Variants in PHLPP1 observed in about 807,000 individuals in gnomAD.
The protein encoded by PHLPP1 is PH domain leucine-rich repeat-containing protein phosphatase 1.
A neutral mutation model predicts 117.2 loss-of-function variants in PHLPP1; 42 were observed. The observed-to-expected ratio is 0.36, with a 90% CI of 0.28 to 0.46. The LOEUF (loss-of-function observed/expected upper bound fraction) is 0.46. Among genes scored for constraint, PHLPP1 ranks in the 20% least tolerant of loss-of-function variants. The pLI is 1.00. For synonymous variants in PHLPP1, 1,042 were observed against 970.7 expected, an observed-to-expected ratio of 1.07 and a Z score of -1.37; for missense variants, 2,084 against 2,241.9, an observed-to-expected ratio of 0.93 and a Z score of 1.42.
At chr18:62,769,253 CT>C (rs1292962835) in intron 1 of PHLPP1, among the ~76,000 whole-genome samples, 1 of 152,014 alleles carries the variant, frequency 6.6e-6, no homozygotes, top group Non-Finnish European at 1.5e-5. Context: ...TTGACTAAGC[CT>C]TTTAGTATTG....
Position 62,767,647 on chromosome 18 carries a change from G to A in PHLPP1, c.1576+50388G>A, listed in dbSNP as rs116079043. 6.1e-3 allele frequency among the ~76,000 whole-genome samples: 923 copies of A among 152,304 alleles called. 4 individuals are homozygous for A. Among genetic ancestry groups the A allele is most frequent in the African/African-American group, 0.02 (851 of 41,562 alleles). On this transcript the variant is annotated intron_variant, in intron 1 of 16. Coordinates refer to ENST00000262719, the MANE Select transcript of PHLPP1 (RefSeq NM_194449.4). ...TACTGTTGCCACAGAGTTTTAGAAT[G>A]CAAGAATTGATCTGTCTCTGAAAAT...
intron 2 of PHLPP1, among the ~76,000 whole-genome samples, chr18:62,834,714 T>G (rs181996984): frequency 3.9e-5 from 6 of 152,360 alleles, no homozygotes; most frequent in Admixed American, 3.9e-4. Context: ...TTCAGTTTTA[T>G]AACTGTACAC....
chr18:62,890,234 C>T (rs1197694275), intron 4 of PHLPP1, among the ~76,000 whole-genome samples: 1 of 151,464 alleles, frequency 6.6e-6, no homozygotes, highest in Non-Finnish European at 1.5e-5. Context: ...GGTTTTTTTT[C>T]TCTCTTCCAT....
intron 4 of PHLPP1, among the ~76,000 whole-genome samples, chr18:62,864,071 G>C (rs1915705556): frequency 1.3e-5 from 2 of 151,148 alleles, no homozygotes; most frequent in Admixed American, 1.3e-4. Flanking sequence ...GCCCAGACTG[G>C]AGTGCAGTGG....
intron 11 of PHLPP1, among the ~76,000 whole-genome samples, chr18:62,942,491 C>G (rs1426607955): frequency 6.6e-6 from 1 of 152,202 alleles, no homozygotes; most frequent in East Asian, 1.9e-4. Context: ...ATGTACAGAG[C>G]AGTGGTAGAC....
At chr18:62,894,875 T>C (rs1916512529) in intron 4 of PHLPP1, 136 bp from the exon 5 acceptor site, 1 of 632,130 alleles carries the variant, frequency 1.6e-6, no homozygotes, top group Non-Finnish European at 2.8e-6. Flanking sequence ...TGCTGCTCCT[T>C]AACCTCTCTG....
chr18:62,850,073 ATTT>A (rs550738658), intron 3 of PHLPP1, among the ~76,000 whole-genome samples: 7 of 135,228 alleles, frequency 5.2e-5, no homozygotes, highest in Non-Finnish European at 9.6e-5. Flanking sequence ...TTAAACATCA[ATTT>A]TTTTTTTTTT....
intron 4 of PHLPP1, among the ~76,000 whole-genome samples, chr18:62,891,325 C>T (rs544804604): frequency 4.6e-5 from 7 of 152,344 alleles, no homozygotes; most frequent in Admixed American, 2.0e-4. Flanking sequence ...CAGTGGCTTA[C>T]GCCTGTAATC....
intron 1 of PHLPP1, among the ~76,000 whole-genome samples, chr18:62,788,857 T>C (rs1913376465): frequency 6.6e-6 from 1 of 152,168 alleles, no homozygotes; most frequent in Non-Finnish European, 1.5e-5. Flanking sequence ...CTCTTTGTAT[T>C]CTTATGTCTG....
chr18:62,860,295 A>T, intron 3 of PHLPP1, 140 bp from the exon 4 acceptor site: 1 of 682,828 alleles, frequency 1.5e-6, no homozygotes, highest in Non-Finnish European at 2.5e-6. Context: ...ATGACTGAAT[A>T]CTCTGTTGGT....
chr18:62,787,717 C>T (rs1421278050), intron 1 of PHLPP1, among the ~76,000 whole-genome samples: 1 of 151,510 alleles, frequency 6.6e-6, no homozygotes. Context: ...ATTACTTTGC[C>T]TTCATATTTC....
At chr18:62,766,076 A>AAAAAAATATATATATATATATATATAT in intron 1 of PHLPP1, among the ~76,000 whole-genome samples, 6 of 21,654 alleles carry the variant, frequency 2.8e-4, no homozygotes, top group South Asian at 2.3e-3. Flanking sequence ...AAAAAAAAAA[A>AAAAAAATATATATATATATATATATAT]ATATATATAT....
chr18:62,849,837 A>ATATATC (rs1915291556), intron 3 of PHLPP1, among the ~76,000 whole-genome samples: 1 of 108,202 alleles, frequency 9.2e-6, no homozygotes, highest in Non-Finnish European at 1.9e-5. Context: ...AAAAAAATAT[A>ATATATC]TATATCCTTT....
At chr18:62,767,946 A>G (rs1169193258) in intron 1 of PHLPP1, among the ~76,000 whole-genome samples, 1 of 152,196 alleles carries the variant, frequency 6.6e-6, no homozygotes, top group Non-Finnish European at 1.5e-5. Flanking sequence ...TGGCACTTAG[A>G]TAACTAAGAA....
rs1005363000 is a variant in PHLPP1, at chr18:62,980,186, C to T, written c.*755C>T. Reference sequence around the variant, plus strand: ...GGCTGAGCAGCTGCAGTGTTTCTGTCCGGAGGAAATGGATCTTAGGCCACT... The same window carrying T: ...GGCTGAGCAGCTGCAGTGTTTCTGTTCGGAGGAAATGGATCTTAGGCCACT... On this transcript the variant is annotated 3_prime_UTR_variant, in exon 17 of 17. Coordinates refer to ENST00000262719, the MANE Select transcript of PHLPP1 (RefSeq NM_194449.4). The T allele has an allele frequency of 1.3e-5, 2 of 152,576 alleles. No individual in the cohort carries two copies. Among genetic ancestry groups the T allele is most frequent in the Non-Finnish European group, 2.9e-5 (2 of 68,058 alleles). 9.5% of individuals were successfully genotyped at this position (152,576 alleles called of 1,614,324 possible). A position where few individuals can be genotyped will look rare whatever the true frequency, so the allele number is the denominator to read the frequency against.
At chr18:62,920,780 C>T (rs1909441234) in intron 10 of PHLPP1, among the ~76,000 whole-genome samples, 1 of 152,100 alleles carries the variant, frequency 6.6e-6, no homozygotes, top group African/African-American at 2.4e-5. Flanking sequence ...AGGCTGGTTT[C>T]GAACTCCTGG....
chr18:62,879,120 T>C (rs1916113611), intron 4 of PHLPP1, among the ~76,000 whole-genome samples: 2 of 152,194 alleles, frequency 1.3e-5, no homozygotes, highest in South Asian at 2.1e-4. Flanking sequence ...TCCTCCAAAG[T>C]TGATGTGTTG....
At chr18:62,844,611 T>G (rs1026736850) in intron 3 of PHLPP1, among the ~76,000 whole-genome samples, 1 of 152,206 alleles carries the variant, frequency 6.6e-6, no homozygotes, top group Non-Finnish European at 1.5e-5. Context: ...ATTATTTCGC[T>G]CACAACTATT....
At chr18:62,957,903 T>A (rs527592706) in intron 12 of PHLPP1, among the ~76,000 whole-genome samples, 21 of 152,240 alleles carry the variant, frequency 1.4e-4, no homozygotes, top group African/African-American at 4.6e-4. Flanking sequence ...GATGGGGGTT[T>A]CACTGTGTTG....
Sources: gnomAD v4.1 joint callset for allele counts (sites outside exome capture counted in the v4.1 genomes callset) on GRCh38, gnomAD v4.1.1 for gene constraint, MANE v1.5 for transcripts, NCBI Gene and HGNC (gene_info 2026-07-23, HGNC 2026-07-21) for gene names.